The following SLC35F3 variants were observed in gnomAD, a reference collection of about 807,000 sequenced individuals.
The protein encoded by SLC35F3 is solute carrier family 35 member F3.
In SLC35F3, 25 loss-of-function variants were observed where a neutral mutation model predicts 49.9. The ratio of observed to expected loss-of-function variants is 0.50; its 90% CI spans 0.37 to 0.70. The LOEUF (loss-of-function observed/expected upper bound fraction) is 0.70, where lower values mean the gene tolerates loss of function less well. Among genes scored for constraint, SLC35F3 ranks in the 30% least tolerant of loss-of-function variants. The pLI, the probability that SLC35F3 is intolerant of heterozygous loss-of-function variation, is 0.00. For missense variants in SLC35F3, 525 were observed against 639.8 expected (o/e 0.82, Z 1.94); for synonymous variants, 275 against 265.4 (o/e 1.04, Z -0.35).
chr1:234,005,507 G>A lies in SLC35F3; in HGVS notation c.283+99749G>A, dbSNP rs373415600. ...AATAAACCTCCACTAAAGCAATGGAGGCTGCTGCTGCTGCTGACGACAAAT... is the reference window on the plus strand; with the variant it reads ...AATAAACCTCCACTAAAGCAATGGAAGCTGCTGCTGCTGCTGACGACAAAT... On this transcript the variant is annotated intron_variant, in intron 2 of 7. Coordinates refer to ENST00000366618, the MANE Select transcript of SLC35F3 (RefSeq NM_173508.4). 3.9e-5 allele frequency among the ~76,000 whole-genome samples: 6 copies of A among 152,216 alleles called. No homozygotes were observed. The East Asian group carries it at 1.2e-3, about 29-fold the overall frequency.
In SLC35F3 at chr1:234,115,156, G is replaced by A. The variant is rs574486207; in HGVS notation, c.284-116261G>A. ...TTCAGGTAGGTTTCTGCCCCAGTAA[G>A]GAAGTGTCTAAGAATCTCCTGGAAG... On this transcript the variant is annotated intron_variant, in intron 2 of 7. Transcript: ENST00000366618. 6.6e-5 allele frequency among the ~76,000 whole-genome samples: 10 copies of A among 152,250 alleles called. No homozygotes were observed. The East Asian group carries it at 1.9e-3, about 29-fold the overall frequency.
At chr1:233,979,354 G>A (rs1663142748) in intron 2 of SLC35F3, among the ~76,000 whole-genome samples, 1 of 152,174 alleles carries the variant, frequency 6.6e-6, no homozygotes, top group Non-Finnish European at 1.5e-5. Flanking sequence ...AAGGCCCACA[G>A]GAATAATAAA....
intron 2 of SLC35F3, among the ~76,000 whole-genome samples, chr1:234,149,633 T>C (rs1373279271): frequency 2.0e-5 from 3 of 152,182 alleles, no homozygotes; most frequent in African/African-American, 7.2e-5. Context: ...ATCTGTTTCA[T>C]ATGCTCTTTT....
chr1:234,244,727 G>A (rs1189778996), intron 3 of SLC35F3, among the ~76,000 whole-genome samples: 1 of 151,782 alleles, frequency 6.6e-6, no homozygotes, highest in Admixed American at 6.6e-5. Flanking sequence ...TCTTCAGGAA[G>A]TTTCAATTCC....
At chr1:233,910,464 A>G (rs957546880) in intron 2 of SLC35F3, among the ~76,000 whole-genome samples, 2 of 152,238 alleles carry the variant, frequency 1.3e-5, no homozygotes, top group African/African-American at 4.8e-5. Context: ...ATTCATTTAA[A>G]AAACCTTTTT....
chr1:233,995,987 G>T (rs1364603550), intron 2 of SLC35F3, among the ~76,000 whole-genome samples: 1 of 152,174 alleles, frequency 6.6e-6, no homozygotes, highest in Admixed American at 6.5e-5. Flanking sequence ...GTGCCTGGCA[G>T]ACTTATCAAT....
At chr1:234,135,392 G>A (rs1425557447) in intron 2 of SLC35F3, among the ~76,000 whole-genome samples, 2 of 152,162 alleles carry the variant, frequency 1.3e-5, no homozygotes, top group Non-Finnish European at 2.9e-5. Flanking sequence ...AAAAAGAATG[G>A]ATGAATGGAT....
intron 2 of SLC35F3, among the ~76,000 whole-genome samples, chr1:234,061,319 G>A (rs982172963): frequency 2.6e-5 from 4 of 152,066 alleles, no homozygotes; most frequent in African/African-American, 4.8e-5. Flanking sequence ...CTATTGAGAA[G>A]TCAGCTGTTA....
At chr1:234,093,420 C>T (rs1296809845) in intron 2 of SLC35F3, among the ~76,000 whole-genome samples, 5 of 152,230 alleles carry the variant, frequency 3.3e-5, no homozygotes, top group African/African-American at 1.2e-4. Flanking sequence ...CCGTATCTCC[C>T]AGTGGCTCTG....
intron 3 of SLC35F3, among the ~76,000 whole-genome samples, chr1:234,295,410 A>G (rs1246420194): frequency 6.6e-6 from 1 of 152,172 alleles, no homozygotes; most frequent in African/African-American, 2.4e-5. Context: ...TGTGTACCCA[A>G]TTTCCATTCC....
intron 2 of SLC35F3, among the ~76,000 whole-genome samples, chr1:234,188,887 A>T (rs1666686992): frequency 6.6e-6 from 1 of 152,202 alleles, no homozygotes; most frequent in Non-Finnish European, 1.5e-5. Context: ...CTCTATGCAG[A>T]CATCTCCTAG....
intron 2 of SLC35F3, among the ~76,000 whole-genome samples, chr1:234,010,119 T>C (rs1663692659): frequency 6.6e-6 from 1 of 152,212 alleles, no homozygotes; most frequent in South Asian, 2.1e-4. Flanking sequence ...ATTTTATCTC[T>C]AGTACGAGGC....
chr1:234,191,185 C>A (rs1266507851), intron 2 of SLC35F3, among the ~76,000 whole-genome samples: 1 of 152,020 alleles, frequency 6.6e-6, no homozygotes, highest in African/African-American at 2.4e-5. Context: ...CTAAGATAGA[C>A]CATATGATTG....
chr1:234,024,856 C>T (rs1663954046), intron 2 of SLC35F3, among the ~76,000 whole-genome samples: 1 of 152,108 alleles, frequency 6.6e-6, no homozygotes, highest in Non-Finnish European at 1.5e-5. Context: ...GTTACATGTG[C>T]AGGTTTGTTA....
intron 2 of SLC35F3, among the ~76,000 whole-genome samples, chr1:233,959,066 G>A (rs1196414062): frequency 3.9e-5 from 6 of 152,114 alleles, no homozygotes; most frequent in South Asian, 4.1e-4. Flanking sequence ...CCCTTTCATC[G>A]CTAGAGGCCA....
At chr1:234,015,216 TG>T (rs1663782959) in intron 2 of SLC35F3, among the ~76,000 whole-genome samples, 1 of 152,036 alleles carries the variant, frequency 6.6e-6, no homozygotes, top group African/African-American at 2.4e-5. Flanking sequence ...TGCGGTGTGG[TG>T]TGCCCCTGTA....
chr1:234,248,004 T>C, intron 3 of SLC35F3, among the ~76,000 whole-genome samples: 1 of 152,288 alleles, frequency 6.6e-6, no homozygotes, highest in Non-Finnish European at 1.5e-5. Flanking sequence ...GACTGGTTCG[T>C]TGTTCGGTGG....
At chr1:234,137,725 G>A (rs759454842) in intron 2 of SLC35F3, among the ~76,000 whole-genome samples, 6 of 152,180 alleles carry the variant, frequency 3.9e-5, no homozygotes, top group Non-Finnish European at 8.8e-5. Flanking sequence ...GCGTTGGAAA[G>A]AGACATCAAA....
At chr1:234,277,219 G>A (rs1056583064) in intron 3 of SLC35F3, among the ~76,000 whole-genome samples, 13 of 152,228 alleles carry the variant, frequency 8.5e-5, no homozygotes, top group Admixed American at 8.5e-4. Context: ...GGTAGGTTGG[G>A]GGTTGAGGGG....
Sources: gnomAD v4.1 joint callset for allele counts (sites outside exome capture counted in the v4.1 genomes callset) on GRCh38, gnomAD v4.1.1 for gene constraint, MANE v1.5 for transcripts, NCBI Gene and HGNC (gene_info 2026-07-23, HGNC 2026-07-21) for gene names.